The following SLC26A5 variants were observed in gnomAD, a reference collection of about 807,000 sequenced individuals.
SLC26A5 encodes solute carrier family 26 member 5.
A neutral mutation model predicts 81.0 loss-of-function variants in SLC26A5; 51 were observed. The ratio of observed to expected loss-of-function variants is 0.63; its 90% confidence interval spans 0.50 to 0.80. The LOEUF (loss-of-function observed/expected upper bound fraction) is 0.80, where lower values mean the gene tolerates loss of function less well. SLC26A5 is among the 30% of genes least tolerant of loss of function. The pLI is 0.00. For missense variants in SLC26A5, 771 were observed against 905.8 expected, an observed-to-expected ratio of 0.85 and a Z score of 1.91; for synonymous variants, 325 against 332.8, an observed-to-expected ratio of 0.98 and a Z score of 0.25.
At chr7:103,371,182 G>T (rs1464124489), downstream of SLC26A5, among the ~76,000 whole-genome samples, 1 of 152,192 alleles carries the variant, frequency 6.6e-6, no homozygotes, top group East Asian at 1.9e-4. Context: ...CAGATGCTAA[G>T]CAAAGTGATA....
At chr7:103,390,938 T>C (rs982605144) in intron 11 of SLC26A5, among the ~76,000 whole-genome samples, 6 of 150,696 alleles carry the variant, frequency 4.0e-5, no homozygotes, top group African/African-American at 1.5e-4. Context: ...CGACCCTGGC[T>C]CACTGCAACC....
In SLC26A5 at chr7:103,443,110, G is replaced by A. The variant is rs1047920279; in HGVS notation, c.-81C>T. 2.0e-5 allele frequency: 3 copies of A among 152,218 alleles called. No individual in the cohort carries two copies. The highest frequency in any genetic ancestry group is 6.5e-5 in the Admixed American group (1 of 15,270). 9.4% of individuals were successfully genotyped at this position (152,218 alleles called of 1,614,324 possible). A position where few individuals can be genotyped will look rare whatever the true frequency, so the allele number is the denominator to read the frequency against. On this transcript the variant is annotated 5_prime_UTR_variant, in exon 2 of 20. Coordinates refer to ENST00000306312, the MANE Select transcript of SLC26A5 (RefSeq NM_198999.3). Reference sequence around the variant, plus strand: ...AGATCCAATGTGCAGCACAAAAGTCGGGACAGGGGACAAGATCCCCCGCTG... The same window carrying A: ...AGATCCAATGTGCAGCACAAAAGTCAGGACAGGGGACAAGATCCCCCGCTG...
At position 103,446,103 on chromosome 7, in the gene SLC26A5, C is replaced by G. The variant is rs1046553210; in HGVS notation, c.-188G>C. 6 of 152,162 alleles carry G rather than the reference C, an allele frequency of 3.9e-5. No individual in the cohort carries two copies. The highest frequency in any genetic ancestry group is 3.9e-4 in the East Asian group (2 of 5,156). 9.4% of individuals were successfully genotyped at this position (152,162 alleles called of 1,614,324 possible). A position where few individuals can be genotyped will look rare whatever the true frequency, so the allele number is the denominator to read the frequency against. ...GGCCGCCCGCGCGCACTCACCAGCC[C>G]GGGCTGCCCTGGGCGGAGCCGCCCC... On this transcript the variant is annotated 5_prime_UTR_variant, in exon 1 of 20. Coordinates refer to ENST00000306312, the MANE Select transcript of SLC26A5 (RefSeq NM_198999.3).
chr7:103,364,958 C>CATATATAT (rs59914167), intron 19 of SLC26A5, among the ~76,000 whole-genome samples: 5,788 of 125,302 alleles, frequency 0.046, 187 homozygotes, highest in East Asian at 0.092. Flanking sequence ...TGTAGACATA[C>CATATATAT]ATATATATAT....
rs933767286 is a variant in SLC26A5 at position 103,391,784 on chromosome 7, A to G, written c.1120-49T>C. 8.4e-6 allele frequency: 12 copies of G among 1,434,346 alleles called. No individual in the cohort carries two copies. The Admixed American group carries it at 9.1e-5, about 11-fold the overall frequency. 88.9% of individuals were successfully genotyped at this position (1,434,346 alleles called of 1,614,324 possible). A position where few individuals can be genotyped will look rare whatever the true frequency, so the allele number is the denominator to read the frequency against. On this transcript the variant is annotated intron_variant, in intron 10 of 19. Coordinates refer to ENST00000306312, the MANE Select transcript of SLC26A5 (RefSeq NM_198999.3). ...CAAAAGAGATAGGTCATTCTTCAGG[A>G]AAAAAAAGCATAATAGCCCATTTAA...
At chr7:103,390,906 G>A (rs1208833929) in intron 11 of SLC26A5, among the ~76,000 whole-genome samples, 3 of 145,240 alleles carry the variant, frequency 2.1e-5, no homozygotes, top group Non-Finnish European at 4.5e-5. Flanking sequence ...TCACTCTGTC[G>A]CCAGGATGGA....
chr7:103,407,706 T>C, intron 8 of SLC26A5, 145 bp downstream of exon 8: 2 of 881,086 alleles, frequency 2.3e-6, no homozygotes, highest in East Asian at 2.5e-5. Flanking sequence ...TTCTTGTCAA[T>C]GAATTTGTCA....
chr7:103,354,029 T>G (rs1325530747), intron 19 of SLC26A5: 1 of 1,176,614 alleles, frequency 8.5e-7, no homozygotes, highest in Non-Finnish European at 1.2e-6. Context: ...GTATTGTCCT[T>G]CCAAAATAAT....
rs59960919 is a variant in SLC26A5, at chr7:103,381,933, T to TCACACA, written c.1515-1390_1515-1385dup. On this transcript the variant is annotated intron_variant, in intron 14 of 19. Transcript: ENST00000306312. ...CATCACATACACCTCACACTTCACATCACACACACACACACACATCACGTA... is the reference window on the plus strand; with the variant it reads ...CATCACATACACCTCACACTTCACATCACACACACACACACACACACACATCACGTA... Among the ~76,000 whole-genome samples the TCACACA allele has an allele frequency of 2.1e-3, 312 of 149,280 alleles. 2 individuals carry two copies. The Middle Eastern group carries it at 0.021, about 10-fold the overall frequency.
chr7:103,388,162 T>C (rs551226280), intron 14 of SLC26A5, among the ~76,000 whole-genome samples: 1 of 151,854 alleles, frequency 6.6e-6, no homozygotes, highest in East Asian at 1.9e-4. Context: ...ATTGGGATTA[T>C]AGGTGTTAGC....
chr7:103,388,795 A>G (rs956052786), intron 14 of SLC26A5: 2 of 500,202 alleles, frequency 4.0e-6, no homozygotes, highest in African/African-American at 3.8e-5. Context: ...AAATTGTGAC[A>G]TAGAAGAGCA....
chr7:103,362,632 AG>A, intron 19 of SLC26A5: 1 of 1,523,358 alleles, frequency 6.6e-7, no homozygotes, highest in South Asian at 1.1e-5. Context: ...TAAACATAAA[AG>A]CACTTTGAAA....
At position 103,374,345 on chromosome 7, in the gene SLC26A5, A is replaced by T. The variant is rs1821185516; in HGVS notation, c.*54T>A. On this transcript the variant is annotated 3_prime_UTR_variant, in exon 20 of 20. Transcript: ENST00000306312. ...CTAGCGTCTAGTATTTAAAACGTGT[A>T]AATTATGAACTTCATGAGAGGCTTA... 5 of 1,607,312 alleles carry T rather than the reference A, an allele frequency of 3.1e-6. No individual in the cohort carries two copies. The highest frequency in any genetic ancestry group is 4.2e-6 in the Non-Finnish European group (5 of 1,177,728).
In SLC26A5 at chr7:103,367,946, A is replaced by G; in HGVS notation, c.2041+8862T>C. 3 of 1,614,166 alleles carry G rather than the reference A, an allele frequency of 1.9e-6. No individual in the cohort carries two copies. The highest frequency in any genetic ancestry group is 2.5e-6 in the Non-Finnish European group (3 of 1,180,032). ...CAGAGGCTGGTATGTTTGCCATCAG[A>G]GCACGGCGAAAAATTGCTACCGAGA... On this transcript the variant is annotated intron_variant, in intron 19 of 19. Coordinates refer to the SLC26A5 transcript ENST00000339444. The surrounding 1 kb of genome is among the most constrained non-coding windows in gnomAD (Gnocchi z 6.1).
intron 2 of SLC26A5, among the ~76,000 whole-genome samples, chr7:103,439,761 T>A (rs1239437596): frequency 1.3e-5 from 2 of 152,216 alleles, no homozygotes; most frequent in African/African-American, 4.8e-5. Flanking sequence ...CTCGGACTCC[T>A]GGCCTCAAGC....
chr7:103,420,502 T>C (rs183273939), intron 4 of SLC26A5, among the ~76,000 whole-genome samples: 1 of 152,226 alleles, frequency 6.6e-6, no homozygotes, highest in African/African-American at 2.4e-5. Context: ...TGTCTCACTT[T>C]GTTGCCCAGG....
chr7:103,388,213 T>G (rs563028250), intron 14 of SLC26A5, among the ~76,000 whole-genome samples: 1 of 150,170 alleles, frequency 6.7e-6, no homozygotes, highest in African/African-American at 2.5e-5. Flanking sequence ...TTTTTTTTTT[T>G]TGAGATGGAG....
intron 19 of SLC26A5, among the ~76,000 whole-genome samples, chr7:103,375,658 T>G (rs1022378273): frequency 6.6e-6 from 1 of 152,226 alleles, no homozygotes; most frequent in Non-Finnish European, 1.5e-5. Context: ...GGTCTTGAAC[T>G]CTTAGGCTCA....
At chr7:103,385,312 G>A (rs764289645) in intron 14 of SLC26A5, among the ~76,000 whole-genome samples, 3 of 151,902 alleles carry the variant, frequency 2.0e-5, no homozygotes, top group African/African-American at 4.8e-5. Flanking sequence ...ACAGGCGCCC[G>A]CCACCACGCC....
Sources: gnomAD v4.1 joint callset for allele counts (sites outside exome capture counted in the v4.1 genomes callset) on GRCh38, gnomAD v4.1.1 for gene constraint, Gnocchi (gnomAD v3.1) non-coding constraint, MANE v1.5 for transcripts, NCBI Gene and HGNC (gene_info 2026-07-23, HGNC 2026-07-21) for gene names.